Variants in CDH12 observed in about 807,000 individuals in gnomAD.
The protein encoded by CDH12 is cadherin-12.
Under a neutral mutation model 74.1 loss-of-function variants are expected in CDH12, and 41 were observed. That is an observed-to-expected ratio of 0.55 (90% CI 0.43 to 0.72). CDH12 has a LOEUF of 0.72. Ranked by LOEUF, CDH12 falls within the 30% of genes least tolerant of loss-of-function variation. The probability of loss-of-function intolerance (pLI) is 0.00; values close to 1 mark genes in which losing one functional copy is unlikely to be tolerated. For missense variants in CDH12, 945 were observed against 977.2 expected (o/e 0.97, Z 0.44); for synonymous variants, 399 against 355.0 (o/e 1.12, Z -1.39).
intron 5 of CDH12, among the ~76,000 whole-genome samples, chr5:21,977,645 C>T (rs1757127226): frequency 6.6e-6 from 1 of 152,042 alleles, no homozygotes. Context: ...CCTTTGCAAA[C>T]TGACATAAAA....
At chr5:22,453,257 C>T (rs1745125880) in intron 2 of CDH12, among the ~76,000 whole-genome samples, 1 of 151,968 alleles carries the variant, frequency 6.6e-6, no homozygotes. Flanking sequence ...GAAATGAGAC[C>T]AGTATGTCAA....
intron 1 of CDH12, among the ~76,000 whole-genome samples, chr5:22,753,222 G>A (rs1375805088): frequency 1.3e-5 from 2 of 151,910 alleles, no homozygotes; most frequent in Non-Finnish European, 2.9e-5. Context: ...TATGAAACTG[G>A]AATATATTGA....
chr5:21,981,940 CT>C (rs1263060467), intron 5 of CDH12, among the ~76,000 whole-genome samples: 1 of 152,110 alleles, frequency 6.6e-6, no homozygotes, highest in Non-Finnish European at 1.5e-5. Context: ...TCTGAATGTG[CT>C]GGGATTACAG....
intron 1 of CDH12, among the ~76,000 whole-genome samples, chr5:22,709,523 T>C (rs1743190048): frequency 6.6e-6 from 1 of 152,228 alleles, no homozygotes; most frequent in Non-Finnish European, 1.5e-5. Context: ...CTTCATCTAA[T>C]GTGTATTTCT....
chr5:22,753,364 G>A (rs561569665), intron 1 of CDH12, among the ~76,000 whole-genome samples: 60 of 150,814 alleles, frequency 4.0e-4, no homozygotes, highest in Non-Finnish European at 7.4e-4. Context: ...GTGAACCCGG[G>A]AGGCAGAGCT....
At chr5:21,891,546 C>G (rs376881683) in intron 6 of CDH12, among the ~76,000 whole-genome samples, 4 of 132,432 alleles carry the variant, frequency 3.0e-5, no homozygotes, top group African/African-American at 7.9e-5. Flanking sequence ...CAGTCCAATT[C>G]TCTTTCCTGT....
At chr5:22,041,976 T>C (rs901945803) in intron 5 of CDH12, among the ~76,000 whole-genome samples, 25 of 152,160 alleles carry the variant, frequency 1.6e-4, no homozygotes, top group African/African-American at 6.0e-4. Flanking sequence ...CACAATGGTA[T>C]GAAACTAGAC....
chr5:22,163,129 CCTCGGCCT>C (rs1748465048), intron 4 of CDH12, among the ~76,000 whole-genome samples: 1 of 152,118 alleles, frequency 6.6e-6, no homozygotes, highest in African/African-American at 2.4e-5. Flanking sequence ...GATCCGCCCA[CCTCGGCCT>C]CTCCAAGTGC....
At chr5:22,399,208 A>G (rs945269926) in intron 3 of CDH12, among the ~76,000 whole-genome samples, 1 of 151,730 alleles carries the variant, frequency 6.6e-6, no homozygotes, top group South Asian at 2.1e-4. Context: ...CTATCTATCT[A>G]TCTATCTATC....
chr5:22,821,834 C>G (rs568438025), intron 1 of CDH12, among the ~76,000 whole-genome samples: 1 of 151,200 alleles, frequency 6.6e-6, no homozygotes, highest in South Asian at 2.1e-4. Flanking sequence ...TCAATGCCAT[C>G]CCCATCAAGC....
chr5:21,934,963 T>C (rs1268067755), intron 6 of CDH12, among the ~76,000 whole-genome samples: 1 of 152,164 alleles, frequency 6.6e-6, no homozygotes, highest in Non-Finnish European at 1.5e-5. Flanking sequence ...ATTTTTTGTT[T>C]TTTTCGTAGA....
chr5:22,248,626 G>A (rs1051280278), intron 3 of CDH12, among the ~76,000 whole-genome samples: 4 of 152,128 alleles, frequency 2.6e-5, no homozygotes, highest in African/African-American at 9.7e-5. Flanking sequence ...AATAAAAAGA[G>A]AAATGTAAGA....
At chr5:22,302,533 C>T (rs1369878811) in intron 3 of CDH12, among the ~76,000 whole-genome samples, 4 of 151,938 alleles carry the variant, frequency 2.6e-5, no homozygotes, top group African/African-American at 9.7e-5. Flanking sequence ...ATGAAGATGT[C>T]AATAAAGCAT....
At chr5:22,538,383 A>G (rs2126715384) in intron 1 of CDH12, among the ~76,000 whole-genome samples, 1 of 152,268 alleles carries the variant, frequency 6.6e-6, no homozygotes, top group Middle Eastern at 3.4e-3. Flanking sequence ...CTCCCCAAAC[A>G]TTCCTAACTA....
intron 2 of CDH12, among the ~76,000 whole-genome samples, chr5:22,492,943 G>A (rs565633965): frequency 6.6e-6 from 1 of 152,218 alleles, no homozygotes; most frequent in Non-Finnish European, 1.5e-5. Context: ...AAAAAGACCC[G>A]AAAGATTTGG....
At chr5:22,458,037 C>A (rs564737644) in intron 2 of CDH12, among the ~76,000 whole-genome samples, 3 of 152,038 alleles carry the variant, frequency 2.0e-5, no homozygotes, top group Non-Finnish European at 4.4e-5. Context: ...GCCACCGTGC[C>A]CGGCCCTAAT....
At chr5:22,520,707 A>T (rs946023628) in intron 1 of CDH12, among the ~76,000 whole-genome samples, 4 of 152,188 alleles carry the variant, frequency 2.6e-5, no homozygotes, top group African/African-American at 9.6e-5. Context: ...CTCTTCAGTG[A>T]TCGTTATATA....
At chr5:22,597,290 C>T (rs1580802528) in intron 1 of CDH12, among the ~76,000 whole-genome samples, 1 of 152,104 alleles carries the variant, frequency 6.6e-6, no homozygotes, top group African/African-American at 2.4e-5. Context: ...AGAAATTCAG[C>T]TTAAATTAAC....
chr5:22,641,100 G>C (rs142151087), intron 1 of CDH12, among the ~76,000 whole-genome samples: 1 of 152,246 alleles, frequency 6.6e-6, no homozygotes, highest in East Asian at 1.9e-4. Flanking sequence ...AGACACATGA[G>C]AGGATATTTA....
Sources: gnomAD v4.1 joint callset for allele counts (sites outside exome capture counted in the v4.1 genomes callset) on GRCh38, gnomAD v4.1.1 for gene constraint, MANE v1.5 for transcripts, NCBI Gene and HGNC (gene_info 2026-07-23, HGNC 2026-07-21) for gene names.